The following CFAP47 variants were observed in gnomAD, a reference collection of about 807,000 sequenced individuals.
The protein encoded by CFAP47 is cilia and flagella associated protein 47.
In CFAP47, 29 loss-of-function variants were observed where a neutral mutation model predicts 148.1. The ratio of observed to expected loss-of-function variants is 0.20; its 90% CI spans 0.15 to 0.27. CFAP47 has a LOEUF of 0.27. Ranked by LOEUF, CFAP47 falls within the 10% of genes least tolerant of loss-of-function variation. The pLI is 1.00. For missense variants in CFAP47, 1,872 were observed against 1,697.5 expected, an observed-to-expected ratio of 1.10 and a Z score of -1.81; for synonymous variants, 664 against 577.3, an observed-to-expected ratio of 1.15 and a Z score of -2.15.
At chrX:36,049,479 TTC>T (rs199664407) in intron 26 of CFAP47, among the ~76,000 whole-genome samples, 109 of 61,601 alleles carry the variant, frequency 1.8e-3, no homozygotes, top group South Asian at 8.6e-3. Context: ...CTGCATGTAT[TTC>T]TCTCTCTCAC....
At chrX:36,353,331 A>G (rs1941758684) in intron 59 of CFAP47, among the ~76,000 whole-genome samples, 198 bp from the exon 60 acceptor site, 1 of 111,296 alleles carries the variant, frequency 9.0e-6, no homozygotes. Context: ...TTTAATATTC[A>G]TATTTTCTTC....
intron 61 of CFAP47, among the ~76,000 whole-genome samples, chrX:36,363,459 C>A (rs782123270): frequency 9.0e-6 from 1 of 111,351 alleles, no homozygotes; most frequent in Non-Finnish European, 1.9e-5. Flanking sequence ...GTACAGTAAA[C>A]ATACAGTATT....
intron 37 of CFAP47, 42 bp downstream of exon 37, chrX:36,149,265 C>A: frequency 3.5e-6 from 1 of 285,642 alleles, no homozygotes; most frequent in South Asian, 2.1e-4. Context: ...ACATATCAAC[C>A]CCAAATATTT....
At chrX:35,987,074 G>T (rs574029362) in intron 15 of CFAP47, among the ~76,000 whole-genome samples, 2 of 111,757 alleles carry the variant, frequency 1.8e-5, no homozygotes, top group South Asian at 7.6e-4. Flanking sequence ...CAGTCAGCAG[G>T]CACGAGGGTC....
At chrX:35,946,971 C>A (rs1363588488) in intron 3 of CFAP47, among the ~76,000 whole-genome samples, 2 of 111,679 alleles carry the variant, frequency 1.8e-5, no homozygotes, top group Admixed American at 9.6e-5. Context: ...TGAACCATTT[C>A]TGCTTTCAGA....
At chrX:36,106,351 G>A (rs1398309266) in intron 33 of CFAP47, among the ~76,000 whole-genome samples, 4 of 112,003 alleles carry the variant, frequency 3.6e-5, no homozygotes, top group Non-Finnish European at 7.5e-5. Context: ...GCCTAGAACT[G>A]TGCCTAACAA....
intron 44 of CFAP47, among the ~76,000 whole-genome samples, chrX:36,204,081 C>T (rs1940011965): frequency 9.0e-6 from 1 of 111,296 alleles, no homozygotes; most frequent in Non-Finnish European, 1.9e-5. Context: ...ATCCTTCGCC[C>T]ACTTTTTGAT....
At chrX:36,374,713 T>G (rs1942005117) in intron 62 of CFAP47, 1 of 389,882 alleles carries the variant, frequency 2.6e-6, no homozygotes. Context: ...AAGTTTTGTT[T>G]TGTTGTGTTT....
chrX:35,944,819 A>AG (rs1936062068), intron 3 of CFAP47, among the ~76,000 whole-genome samples: 2 of 111,915 alleles, frequency 1.8e-5, no homozygotes, highest in Middle Eastern at 4.6e-3. Context: ...GATTTGTGTG[A>AG]GGGACCCCTC....
At chrX:36,010,607 G>A (rs775605665) in intron 21 of CFAP47, among the ~76,000 whole-genome samples, 3 of 109,752 alleles carry the variant, frequency 2.7e-5, no homozygotes, top group East Asian at 2.9e-4. Context: ...ACAGGCACCC[G>A]CCACCATGCC....
rs1478922406 is a variant in CFAP47 at position 36,371,590 on chromosome X, TAC to T, written c.9185+4465_9185+4466del. ...ATATATGTGTGTATATATATGTGTA[TAC>T]ATGTGTGTATATATGTGTATATATG... On this transcript the variant is annotated intron_variant, in intron 62 of 63. Transcript: ENST00000378653. 8.2e-5 allele frequency among the ~76,000 whole-genome samples: 8 copies of T among 97,210 alleles called. No homozygotes were observed. In the South Asian group the frequency reaches 3.8e-3, roughly 46 times the overall value. The allele number at this position is 97,210 out of a possible 115,157, so 84.4% of individuals were successfully genotyped here.
chrX:36,308,045 T>TA (rs1306998942), intron 55 of CFAP47, among the ~76,000 whole-genome samples: 1 of 111,546 alleles, frequency 9.0e-6, no homozygotes, highest in East Asian at 2.8e-4. Context: ...CCCTTCATCA[T>TA]AATTATTGGG....
intron 2 of CFAP47, among the ~76,000 whole-genome samples, chrX:35,937,781 G>A (rs764509304): frequency 1.8e-4 from 20 of 111,268 alleles, no homozygotes; most frequent in Non-Finnish European, 3.4e-4. Flanking sequence ...GTTGGAGTGA[G>A]CACATTTATT....
intron 61 of CFAP47, among the ~76,000 whole-genome samples, chrX:36,363,068 T>C (rs966312381): frequency 2.7e-5 from 3 of 111,774 alleles, no homozygotes; most frequent in Non-Finnish European, 3.8e-5. Context: ...TAGAACATCT[T>C]GGTGAATATT....
chrX:36,257,054 T>A (rs1555999087), intron 49 of CFAP47, among the ~76,000 whole-genome samples: 1 of 112,667 alleles, frequency 8.9e-6, no homozygotes, highest in Non-Finnish European at 1.9e-5. Flanking sequence ...GTTGATTTTT[T>A]AAAGCCTTAG....
rs187201931 is a variant in CFAP47, at chrX:35,922,382, C to T, written c.249+2334C>T. 4.8e-3 allele frequency among the ~76,000 whole-genome samples: 540 copies of T among 112,495 alleles called. 3 individuals carry two copies. The highest frequency in any genetic ancestry group is 8.6e-3 in the Non-Finnish European group (459 of 53,294). On this transcript the variant is annotated intron_variant, in intron 1 of 63. Transcript: ENST00000378653. ...GCCTCTTGTTAAATGTTAGTACTGC[C>T]TCCATTTTCAGCTCATAAACTGCTA...
intron 45 of CFAP47, among the ~76,000 whole-genome samples, chrX:36,208,237 A>G (rs782262717): frequency 1.8e-5 from 2 of 111,981 alleles, no homozygotes; most frequent in African/African-American, 6.5e-5. Context: ...TGGCTGAAAT[A>G]CCAGTAAATC....
At chrX:36,324,696 G>A (rs1046676667) in intron 57 of CFAP47, among the ~76,000 whole-genome samples, 1 of 111,482 alleles carries the variant, frequency 9.0e-6, no homozygotes, top group Non-Finnish European at 1.9e-5. Flanking sequence ...ATGAAAATAG[G>A]TTAACTTCAA....
Position 36,179,433 on chromosome X carries a change from A to G in CFAP47, c.6104+11A>G. ...ATACCCGAAACATGAGTAAGTGTCT[A>G]TATTTTGTACTCATAAGTATCTGAG... On this transcript the variant is annotated intron_variant, in intron 40 of 63. Transcript: ENST00000378653. The G allele has an allele frequency of 3.4e-6, 1 of 296,686 alleles. No homozygotes were observed. The highest frequency in any genetic ancestry group is 4.8e-5 in the East Asian group (1 of 20,915). The allele number at this position is 296,686 out of a possible 1,213,427, so 24.5% of individuals were successfully genotyped here. A position where few individuals can be genotyped will look rare whatever the true frequency, so the allele number is the denominator to read the frequency against.
Sources: allele counts gnomAD v4.1 joint callset (sites outside exome capture counted in the v4.1 genomes callset), GRCh38; gene constraint gnomAD v4.1.1; transcripts MANE v1.5; gene names NCBI Gene and HGNC (gene_info 2026-07-23, HGNC 2026-07-21).